Variants in TSPAN5 observed in about 807,000 individuals in gnomAD.
TSPAN5 encodes tetraspanin 5.
TSPAN5 carries 10 observed loss-of-function variants against 37.1 expected under a neutral mutation model. That is an observed-to-expected ratio of 0.27 (90% CI 0.17 to 0.46). The LOEUF is 0.46. Ranked by LOEUF, TSPAN5 falls within the 20% of genes least tolerant of loss-of-function variation. The pLI, the probability that TSPAN5 is intolerant of heterozygous loss-of-function variation, is 1.00. For synonymous variants in TSPAN5, 110 were observed against 118.9 expected, an observed-to-expected ratio of 0.93 and a Z score of 0.48; for missense variants, 195 against 326.6, an observed-to-expected ratio of 0.60 and a Z score of 3.11.
At chr4:98,585,583 T>C (rs372564122) in intron 1 of TSPAN5, among the ~76,000 whole-genome samples, 1 of 152,204 alleles carries the variant, frequency 6.6e-6, no homozygotes, top group Non-Finnish European at 1.5e-5. Flanking sequence ...GTGCTGAGAT[T>C]AAAGGCGTGA....
intron 1 of TSPAN5, among the ~76,000 whole-genome samples, chr4:98,585,450 C>T (rs1333837441): frequency 1.3e-5 from 2 of 152,090 alleles, no homozygotes; most frequent in Non-Finnish European, 2.9e-5. Context: ...GCTAGGATTA[C>T]AGGCATGCAC....
At chr4:98,601,106 G>C (rs1428785601) in intron 1 of TSPAN5, among the ~76,000 whole-genome samples, 1 of 152,168 alleles carries the variant, frequency 6.6e-6, no homozygotes, top group Admixed American at 6.5e-5. Context: ...AAAATATTCA[G>C]TAAACCAGGC....
At chr4:98,563,774 T>C (rs1396246262) in intron 1 of TSPAN5, among the ~76,000 whole-genome samples, 1 of 152,196 alleles carries the variant, frequency 6.6e-6, no homozygotes, top group Admixed American at 6.5e-5. Context: ...GGTTCCAAAA[T>C]GGAGGCAATT....
intron 2 of TSPAN5, among the ~76,000 whole-genome samples, chr4:98,491,804 G>A (rs778218148): frequency 6.6e-6 from 1 of 152,052 alleles, no homozygotes; most frequent in Non-Finnish European, 1.5e-5. Context: ...TCTCTTTCTG[G>A]ACTTTTTAAT....
intron 1 of TSPAN5, among the ~76,000 whole-genome samples, chr4:98,623,640 A>G (rs184788278): frequency 6.6e-6 from 1 of 152,282 alleles, no homozygotes; most frequent in African/African-American, 2.4e-5. Flanking sequence ...AGAACAAAGG[A>G]CTCTTGGGAT....
intron 2 of TSPAN5, among the ~76,000 whole-genome samples, chr4:98,490,374 G>C (rs979946821): frequency 1.3e-5 from 2 of 152,160 alleles, no homozygotes; most frequent in Non-Finnish European, 2.9e-5. Context: ...GGTTTAATTT[G>C]GAGGATAAAA....
At chr4:98,548,732 T>C (rs900251171) in intron 1 of TSPAN5, among the ~76,000 whole-genome samples, 1 of 152,190 alleles carries the variant, frequency 6.6e-6, no homozygotes, top group Non-Finnish European at 1.5e-5. Flanking sequence ...TGTCCATGTG[T>C]ACCCATCATT....
At chr4:98,621,915 A>G (rs903155379) in intron 1 of TSPAN5, among the ~76,000 whole-genome samples, 3 of 151,992 alleles carry the variant, frequency 2.0e-5, no homozygotes, top group African/African-American at 7.3e-5. Flanking sequence ...GTCACTTAGC[A>G]TAATGTTTTC....
At position 98,486,893 on chromosome 4, in the gene TSPAN5, A is replaced by C; in HGVS notation, c.133-9T>G. The C allele has an allele frequency of 6.2e-7, 1 of 1,613,372 alleles. No homozygotes were observed. Among genetic ancestry groups the C allele is most frequent in the Non-Finnish European group, 8.5e-7 (1 of 1,179,662 alleles). On this transcript the variant is annotated splice_polypyrimidine_tract_variant and intron_variant, in intron 2 of 7. Coordinates refer to ENST00000305798, the MANE Select transcript of TSPAN5 (RefSeq NM_005723.4). Reference sequence around the variant, plus strand: ...ATGTTGGACAGAACTCCCTGGGAGCAGAAAAGAACACACAACAAGGCACGG... The same window carrying C: ...ATGTTGGACAGAACTCCCTGGGAGCCGAAAAGAACACACAACAAGGCACGG...
intron 1 of TSPAN5, among the ~76,000 whole-genome samples, chr4:98,584,104 C>A (rs960452173): frequency 6.6e-6 from 1 of 152,070 alleles, no homozygotes; most frequent in Non-Finnish European, 1.5e-5. Flanking sequence ...TTACGGAGAG[C>A]TTCCAAATTA....
intron 1 of TSPAN5, among the ~76,000 whole-genome samples, chr4:98,619,044 C>T (rs1232196318): frequency 6.6e-6 from 1 of 152,084 alleles, no homozygotes. Flanking sequence ...ACATGATCAG[C>T]CCCATAAAGC....
chr4:98,558,121 T>C (rs978328853), intron 1 of TSPAN5, among the ~76,000 whole-genome samples: 17 of 152,158 alleles, frequency 1.1e-4, no homozygotes, highest in Non-Finnish European at 2.2e-4. Flanking sequence ...TATATTAACA[T>C]GTAAGGTGTT....
intron 1 of TSPAN5, among the ~76,000 whole-genome samples, chr4:98,520,623 G>A (rs1578963330): frequency 6.6e-6 from 1 of 152,336 alleles, no homozygotes; most frequent in East Asian, 1.9e-4. Flanking sequence ...TCAAGTCACT[G>A]AATGATAGTC....
At chr4:98,560,798 G>A (rs2110168246) in intron 1 of TSPAN5, among the ~76,000 whole-genome samples, 1 of 152,306 alleles carries the variant, frequency 6.6e-6, no homozygotes, top group Middle Eastern at 3.4e-3. Context: ...GGCAGTGTAG[G>A]AAGATGGGGA....
At chr4:98,477,633 T>C (rs2110255041) in intron 5 of TSPAN5, among the ~76,000 whole-genome samples, 1 of 151,074 alleles carries the variant, frequency 6.6e-6, no homozygotes, top group South Asian at 2.1e-4. Flanking sequence ...TAACCTCTCA[T>C]GTTTGTCATT....
At chr4:98,507,618 T>C (rs1185861865) in intron 2 of TSPAN5, 60 bp downstream of exon 2, 9 of 1,289,866 alleles carry the variant, frequency 7.0e-6, no homozygotes, top group South Asian at 1.3e-5. Flanking sequence ...GGATAATACA[T>C]AATATGATGT....
chr4:98,654,885 T>C (rs1757263920), intron 1 of TSPAN5, among the ~76,000 whole-genome samples: 2 of 152,220 alleles, frequency 1.3e-5, no homozygotes, highest in Admixed American at 6.5e-5. Context: ...TCTTGCTCTG[T>C]TGCCAGGCTG....
intron 1 of TSPAN5, among the ~76,000 whole-genome samples, chr4:98,523,646 G>T (rs555270857): frequency 6.6e-6 from 1 of 152,276 alleles, no homozygotes; most frequent in Non-Finnish European, 1.5e-5. Flanking sequence ...ATGTTGGCCA[G>T]GCTGGTCAAC....
At chr4:98,522,784 G>C (rs541679188) in intron 1 of TSPAN5, among the ~76,000 whole-genome samples, 16 of 152,308 alleles carry the variant, frequency 1.1e-4, no homozygotes, top group Admixed American at 2.0e-4. Context: ...GAGGAAGGAG[G>C]GGGGATGTCT....
Sources: gnomAD v4.1 joint callset for allele counts (sites outside exome capture counted in the v4.1 genomes callset) on GRCh38, gnomAD v4.1.1 for gene constraint, MANE v1.5 for transcripts, NCBI Gene and HGNC (gene_info 2026-07-23, HGNC 2026-07-21) for gene names.